The following GNA14 variants were observed in gnomAD, a reference collection of about 807,000 sequenced individuals.
GNA14 encodes the protein guanine nucleotide-binding protein subunit alpha-14.
A neutral mutation model predicts 42.0 loss-of-function variants in GNA14; 50 were observed. That is an observed-to-expected ratio of 1.19 (90% confidence interval 0.95 to 1.51). The LOEUF is 1.51. GNA14 is among the 40% of genes most tolerant of loss of function. GNA14 has a pLI of 0.00. For synonymous variants in GNA14, 173 were observed against 163.1 expected (o/e 1.06, Z -0.46); for missense variants, 473 against 446.2 (o/e 1.06, Z -0.54).
intron 1 of GNA14, among the ~76,000 whole-genome samples, chr9:77,588,593 A>G (rs1259475968): frequency 6.6e-6 from 1 of 152,210 alleles, no homozygotes; most frequent in East Asian, 1.9e-4. Context: ...AGGATATAGA[A>G]GCAGGGATAA....
intron 2 of GNA14, among the ~76,000 whole-genome samples, chr9:77,453,822 T>C (rs574749276): frequency 6.7e-4 from 102 of 152,314 alleles, no homozygotes; most frequent in Non-Finnish European, 1.1e-3. Context: ...ATGCTAGTTT[T>C]ATTATGAGTT....
At chr9:77,503,813 A>AT (rs932914619) in intron 2 of GNA14, among the ~76,000 whole-genome samples, 9 of 151,614 alleles carry the variant, frequency 5.9e-5, no homozygotes, top group African/African-American at 1.7e-4. Flanking sequence ...CACCCAGCTA[A>AT]TTTTTTTGTA....
At chr9:77,633,679 C>A (rs1824134354) in intron 1 of GNA14, among the ~76,000 whole-genome samples, 1 of 151,592 alleles carries the variant, frequency 6.6e-6, no homozygotes, top group Non-Finnish European at 1.5e-5. Context: ...CAGATATTTG[C>A]CCCCATGGGG....
At chr9:77,619,022 A>G (rs1156831066) in intron 1 of GNA14, among the ~76,000 whole-genome samples, 1 of 152,092 alleles carries the variant, frequency 6.6e-6, no homozygotes, top group Non-Finnish European at 1.5e-5. Context: ...GCTACTGGGA[A>G]GTTTAAAATT....
intron 2 of GNA14, among the ~76,000 whole-genome samples, chr9:77,478,726 G>A (rs1158400737): frequency 6.6e-6 from 1 of 152,092 alleles, no homozygotes; most frequent in Non-Finnish European, 1.5e-5. Flanking sequence ...CATTCTAACT[G>A]GTGTGAGATG....
chr9:77,631,639 A>G (rs1329560636), intron 1 of GNA14, among the ~76,000 whole-genome samples: 1 of 152,154 alleles, frequency 6.6e-6, no homozygotes, highest in Non-Finnish European at 1.5e-5. Context: ...TCATTAGCAA[A>G]AAGTAAAATA....
chr9:77,442,173 A>T (rs1835746721), intron 2 of GNA14, among the ~76,000 whole-genome samples: 1 of 152,202 alleles, frequency 6.6e-6, no homozygotes, highest in South Asian at 2.1e-4. Flanking sequence ...GGAGTTCGAG[A>T]CCCGACTGAC....
At chr9:77,576,651 T>G (rs1054366822) in intron 1 of GNA14, among the ~76,000 whole-genome samples, 7 of 152,204 alleles carry the variant, frequency 4.6e-5, no homozygotes, top group African/African-American at 1.7e-4. Context: ...CTTACATCAT[T>G]ATCACAATTA....
At chr9:77,574,740 A>C (rs1345753849) in intron 1 of GNA14, among the ~76,000 whole-genome samples, 1 of 152,138 alleles carries the variant, frequency 6.6e-6, no homozygotes, top group Non-Finnish European at 1.5e-5. Context: ...GCTTATTTGC[A>C]CTCAGTCAGG....
chr9:77,481,005 G>C (rs1453362610), intron 2 of GNA14, among the ~76,000 whole-genome samples: 2 of 151,898 alleles, frequency 1.3e-5, no homozygotes, highest in Non-Finnish European at 2.9e-5. Flanking sequence ...ATCAGCTCCT[G>C]GATTCATTAA....
intron 4 of GNA14, among the ~76,000 whole-genome samples, chr9:77,430,743 ATAT>A (rs1360022453): frequency 6.4e-4 from 98 of 152,282 alleles, no homozygotes; most frequent in African/African-American, 2.3e-3. Flanking sequence ...TATATGCCCT[ATAT>A]TATTATTCAT....
At chr9:77,510,542 C>G (rs113717113) in intron 2 of GNA14, among the ~76,000 whole-genome samples, 22 of 152,250 alleles carry the variant, frequency 1.4e-4, no homozygotes, top group African/African-American at 5.3e-4. Context: ...AGTGAGGACT[C>G]TATTTCAATA....
chr9:77,588,848 T>C (rs2056810399), intron 1 of GNA14, among the ~76,000 whole-genome samples: 1 of 152,154 alleles, frequency 6.6e-6, no homozygotes, highest in South Asian at 2.1e-4. Flanking sequence ...GCTTACTGTG[T>C]TGCTCTGAAC....
intron 1 of GNA14, among the ~76,000 whole-genome samples, chr9:77,583,048 A>G (rs1046989435): frequency 3.9e-5 from 6 of 152,210 alleles, no homozygotes; most frequent in Non-Finnish European, 5.9e-5. Flanking sequence ...AACTGCAAAT[A>G]TAACAGAAGG....
At chr9:77,510,753 G>T (rs541800417) in intron 2 of GNA14, among the ~76,000 whole-genome samples, 5 of 152,122 alleles carry the variant, frequency 3.3e-5, no homozygotes, top group Non-Finnish European at 7.4e-5. Flanking sequence ...GGCCCTTTTC[G>T]TATCAGGCCC....
At chr9:77,445,087 C>T (rs1448568321) in intron 2 of GNA14, among the ~76,000 whole-genome samples, 1 of 152,150 alleles carries the variant, frequency 6.6e-6, no homozygotes, top group African/African-American at 2.4e-5. Context: ...AAGGGATGAG[C>T]CAACTAGTAC....
intron 1 of GNA14, among the ~76,000 whole-genome samples, chr9:77,625,652 G>C (rs1824002364): frequency 6.6e-6 from 1 of 152,160 alleles, no homozygotes; most frequent in Non-Finnish European, 1.5e-5. Flanking sequence ...ATAAGCAAAG[G>C]AGAAATAAAA....
At chr9:77,489,191 G>A (rs1466171374) in intron 2 of GNA14, among the ~76,000 whole-genome samples, 2 of 151,882 alleles carry the variant, frequency 1.3e-5, no homozygotes, top group African/African-American at 4.8e-5. Context: ...AAGAATGAAT[G>A]AGCCCAAAGA....
intron 1 of GNA14, among the ~76,000 whole-genome samples, chr9:77,612,750 T>C (rs933236791): frequency 6.6e-6 from 1 of 151,964 alleles, no homozygotes. Flanking sequence ...TAAATTTGTA[T>C]AGTCTTTGTG....
Sources: allele counts gnomAD v4.1 joint callset (sites outside exome capture counted in the v4.1 genomes callset), GRCh38; gene constraint gnomAD v4.1.1; transcripts MANE v1.5; gene names NCBI Gene and HGNC (gene_info 2026-07-23, HGNC 2026-07-21).